CNNM2: variants seen among roughly 807,000 people sequenced by gnomAD.
CNNM2 encodes metal transporter CNNM2.
A neutral mutation model predicts 66.9 loss-of-function variants in CNNM2; 12 were observed. The ratio of observed to expected loss-of-function variants is 0.18; its 90% CI spans 0.11 to 0.29. CNNM2 has a LOEUF of 0.29. Ranked by LOEUF, CNNM2 falls within the 10% of genes least tolerant of loss-of-function variation. The pLI, the probability that CNNM2 is intolerant of heterozygous loss-of-function variation, is 1.00. For missense variants in CNNM2, 705 were observed against 1,167.7 expected (o/e 0.60, Z 5.77); for synonymous variants, 557 against 501.8 (o/e 1.11, Z -1.47).
chr10:103,074,045 T>C (rs1307401888), intron 6 of CNNM2, among the ~76,000 whole-genome samples: 1 of 152,060 alleles, frequency 6.6e-6, no homozygotes, highest in East Asian at 1.9e-4. Flanking sequence ...CCCAGCACTT[T>C]GGGAGGCCAA....
chr10:103,071,228 G>A (rs149657850), intron 5 of CNNM2, among the ~76,000 whole-genome samples: 93 of 152,256 alleles, frequency 6.1e-4, no homozygotes, highest in African/African-American at 2.2e-3. Context: ...GGATGACTCT[G>A]GTCTGCATTC....
intron 5 of CNNM2, 43 bp downstream of exon 5, chr10:103,068,765 G>A (rs181092316): frequency 6.9e-7 from 1 of 1,450,578 alleles, no homozygotes; most frequent in African/African-American, 1.4e-5. Context: ...CCACGTGTTA[G>A]GAAGTAAGGC....
intron 1 of CNNM2, among the ~76,000 whole-genome samples, chr10:103,030,749 T>A (rs1243304249): frequency 1.3e-5 from 2 of 152,148 alleles, no homozygotes; most frequent in Admixed American, 6.5e-5. Context: ...GTCTTAAATT[T>A]AGAACCTAAC....
chr10:102,980,235 G>C (rs2063699374), intron 1 of CNNM2, among the ~76,000 whole-genome samples: 2 of 151,864 alleles, frequency 1.3e-5, no homozygotes. Flanking sequence ...GAGCCACTGC[G>C]TCCAGCCTCA....
At chr10:103,060,726 G>T (rs938444054) in intron 4 of CNNM2, among the ~76,000 whole-genome samples, 4 of 152,032 alleles carry the variant, frequency 2.6e-5, no homozygotes, top group African/African-American at 7.3e-5. Context: ...TCTTCAGAAG[G>T]TTACCCAATA....
chr10:103,029,781 C>T (rs2064786577), intron 1 of CNNM2, among the ~76,000 whole-genome samples: 1 of 151,114 alleles, frequency 6.6e-6, no homozygotes, highest in African/African-American at 2.4e-5. Context: ...CGGGAGAATC[C>T]CTTGAACCTG....
At chr10:102,982,251 A>G (rs1271678112) in intron 1 of CNNM2, among the ~76,000 whole-genome samples, 2 of 152,184 alleles carry the variant, frequency 1.3e-5, no homozygotes, top group African/African-American at 2.4e-5. Flanking sequence ...TTTCATAATT[A>G]TCACACTGGC....
At chr10:103,000,113 A>G (rs955054432) in intron 1 of CNNM2, among the ~76,000 whole-genome samples, 4 of 151,988 alleles carry the variant, frequency 2.6e-5, no homozygotes, top group Admixed American at 2.0e-4. Context: ...GCAGGCACCT[A>G]TAATACCAGC....
chr10:103,051,305 C>T (rs748115136), intron 2 of CNNM2, among the ~76,000 whole-genome samples: 7 of 152,124 alleles, frequency 4.6e-5, no homozygotes, highest in African/African-American at 7.2e-5. Flanking sequence ...GTGGCACATG[C>T]CTGTAGTCTC....
chr10:102,976,178 G>A (rs1399370773), intron 1 of CNNM2, among the ~76,000 whole-genome samples: 2 of 152,176 alleles, frequency 1.3e-5, no homozygotes, highest in East Asian at 3.9e-4. Context: ...ATGCATGCTT[G>A]TGCTAATTTT....
intron 1 of CNNM2, among the ~76,000 whole-genome samples, chr10:102,923,467 G>T (rs1294541289): frequency 6.6e-6 from 1 of 152,118 alleles, no homozygotes; most frequent in Admixed American, 6.5e-5. Context: ...TTTAACTTAG[G>T]TCTTTGTGAC....
At chr10:102,952,056 G>C (rs1447137284) in intron 1 of CNNM2, among the ~76,000 whole-genome samples, 1 of 152,006 alleles carries the variant, frequency 6.6e-6, no homozygotes, top group Non-Finnish European at 1.5e-5. Flanking sequence ...ACCCACCTCG[G>C]CCTCCCAAAG....
At chr10:102,978,678 A>T (rs968399050) in intron 1 of CNNM2, among the ~76,000 whole-genome samples, 2 of 152,338 alleles carry the variant, frequency 1.3e-5, no homozygotes, top group Admixed American at 1.3e-4. Context: ...TGCACATGTT[A>T]TGAGTTTGCA....
intron 1 of CNNM2, among the ~76,000 whole-genome samples, chr10:103,000,242 CAAATAAATAAATAAATAAAT>C (rs139250349): frequency 2.1e-5 from 3 of 146,198 alleles, no homozygotes; most frequent in Non-Finnish European, 3.0e-5. Flanking sequence ...GTCTCAAAAA[CAAATAAATAAATAAATAAAT>C]AAATAAATAA....
Position 103,016,770 on chromosome 10 carries a change from G to A in CNNM2, c.1622-32937G>A, listed in dbSNP as rs11191515. Among the ~76,000 whole-genome samples, 12,707 of 152,122 alleles carry A rather than the reference G, an allele frequency of 0.084. 810 individuals are homozygous for A. The highest frequency in any genetic ancestry group is 0.28 in the East Asian group (1,430 of 5,148). ...TCAAGCATTCAATAGGGAAGACAGC[G>A]AATGGAGGCCAGTTCTTCACATTGC... is the stretch of plus-strand genomic sequence containing the variant. On this transcript the variant is annotated intron_variant, in intron 1 of 7. Coordinates refer to ENST00000369878, the MANE Select transcript of CNNM2 (RefSeq NM_017649.5).
At chr10:102,953,325 C>T (rs1023578970) in intron 1 of CNNM2, among the ~76,000 whole-genome samples, 5 of 152,036 alleles carry the variant, frequency 3.3e-5, no homozygotes, top group African/African-American at 9.7e-5. Flanking sequence ...GATGCGACCT[C>T]GGCTTGCTGC....
chr10:102,927,225 C>A, intron 1 of CNNM2: 4 of 1,318,860 alleles, frequency 3.0e-6, no homozygotes, highest in South Asian at 1.3e-5. Context: ...ACTTTCAATT[C>A]ATTAAGATTT....
In CNNM2 at chr10:103,079,148, T is replaced by C. The variant is rs577505993; in HGVS notation, c.*1968T>C. The C allele has an allele frequency of 1.3e-5, 2 of 152,288 alleles. No homozygotes were observed. Among genetic ancestry groups the C allele is most frequent in the South Asian group, 4.1e-4 (2 of 4,822 alleles). 9.4% of individuals were successfully genotyped at this position (152,288 alleles called of 1,614,324 possible). ...GGACCCCACTCTAAGCATCCTTTTT[T>C]TTAAACAGAGCCATCTAGATACAAA... is the stretch of plus-strand genomic sequence containing the variant. On this transcript the variant is annotated 3_prime_UTR_variant, in exon 8 of 8. Transcript: ENST00000369878.
At chr10:103,071,880 C>T (rs754667023) in intron 6 of CNNM2, 41 bp downstream of exon 6, 5 of 1,572,258 alleles carry the variant, frequency 3.2e-6, no homozygotes, top group Non-Finnish European at 4.4e-6. Flanking sequence ...TCCTGATTGC[C>T]TTCCTTGCCC....
Sources: gnomAD v4.1 joint callset for allele counts (sites outside exome capture counted in the v4.1 genomes callset) on GRCh38, gnomAD v4.1.1 for gene constraint, MANE v1.5 for transcripts, NCBI Gene and HGNC (gene_info 2026-07-23, HGNC 2026-07-21) for gene names.